Variants in FAM135B observed in about 807,000 individuals in gnomAD.
The protein encoded by FAM135B is protein FAM135B.
A neutral mutation model predicts 127.7 loss-of-function variants in FAM135B; 43 were observed. The observed-to-expected ratio is 0.34, with a 90% CI of 0.26 to 0.43. The LOEUF is 0.43. Ranked by LOEUF, FAM135B falls within the 20% of genes least tolerant of loss-of-function variation. The pLI is 1.00. For missense variants in FAM135B, 1,558 were observed against 1,725.6 expected (o/e 0.90, Z 1.72); for synonymous variants, 670 against 665.1 (o/e 1.01, Z -0.11).
rs144226107 is a variant in FAM135B, at chr8:138,198,773, GT to G, written c.670-1105del. Among the ~76,000 whole-genome samples the G allele has an allele frequency of 8.5e-5, 13 of 152,208 alleles. No individual in the cohort carries two copies. The East Asian group carries it at 2.5e-3, about 30-fold the overall frequency. ...ATGATGAAAAGGAAGGAACAGGACAGTTTTTTTCTTGCCAACTCAACAGAGA... is the reference window on the plus strand; with the variant it reads ...ATGATGAAAAGGAAGGAACAGGACAGTTTTTTCTTGCCAACTCAACAGAGA... On this transcript the variant is annotated intron_variant, in intron 7 of 19. Transcript: ENST00000395297.
chr8:138,478,237 C>T (rs1448799529), intron 1 of FAM135B, among the ~76,000 whole-genome samples: 2 of 152,006 alleles, frequency 1.3e-5, no homozygotes, highest in Admixed American at 1.3e-4. Flanking sequence ...CTCTCTGAGC[C>T]CTAGTCATTC....
rs1816074836 is a variant in FAM135B at position 138,130,086 on chromosome 8, A to AAAACAC, written c.*2506_*2507insGTGTTT. ...TTGGGAAACAACAAATCATAAAAAC[A>AAAACAC]AAAACAAAAATTACGCAGAGAATGA... is the stretch of plus-strand genomic sequence containing the variant. On this transcript the variant is annotated 3_prime_UTR_variant, in exon 20 of 20. Transcript: ENST00000395297. 2 of 152,266 alleles carry AAAACAC rather than the reference A, an allele frequency of 1.3e-5. No homozygotes were observed. Among genetic ancestry groups the AAAACAC allele is most frequent in the Admixed American group, 1.3e-4 (2 of 15,300 alleles). 9.4% of individuals were successfully genotyped at this position (152,266 alleles called of 1,614,324 possible).
chr8:138,243,051 C>T lies in FAM135B; in HGVS notation c.560G>A (p.Arg187Lys), dbSNP rs1385576257. ...QPLISFTRPG[R>K]GSWLGKGGPD... Reference sequence around the variant, plus strand: ...GCCACCTTTACCAAGCCAGGAGCCTCTTCCTGGACGAGTAAAACTAAACAA... The same window carrying T: ...GCCACCTTTACCAAGCCAGGAGCCTTTTCCTGGACGAGTAAAACTAAACAA... The change falls in exon 7 of 20, where the codon AGA becomes AAA. Residue 187 changes from arginine to lysine, a missense_variant. Arg to Lys is a conservative substitution (Grantham distance 26, BLOSUM62 2). Transcript: ENST00000395297. This position sits in a 1 kb window ranked among gnomAD's most constrained non-coding sequence, Gnocchi z 7.5. 1 of 1,610,382 alleles carries T rather than the reference C, an allele frequency of 6.2e-7. No homozygotes were observed. The highest frequency in any genetic ancestry group is 1.1e-5 in the South Asian group (1 of 90,108).
intron 1 of FAM135B, among the ~76,000 whole-genome samples, chr8:138,487,488 G>T (rs1002351362): frequency 6.6e-6 from 1 of 152,016 alleles, no homozygotes; most frequent in Non-Finnish European, 1.5e-5. Flanking sequence ...GTGGGGTGCT[G>T]TACTTACATC....
At chr8:138,395,668 C>T (rs1832809699) in intron 1 of FAM135B, among the ~76,000 whole-genome samples, 2 of 152,144 alleles carry the variant, frequency 1.3e-5, no homozygotes, top group South Asian at 2.1e-4. Context: ...ATATGCTCAG[C>T]CCTGGATATG....
chr8:138,457,011 A>C (rs1228688506), intron 1 of FAM135B, among the ~76,000 whole-genome samples: 1 of 129,700 alleles, frequency 7.7e-6, no homozygotes, highest in Non-Finnish European at 1.7e-5. Flanking sequence ...GATGTGAAAG[A>C]AAAATAAAAG....
intron 2 of FAM135B, among the ~76,000 whole-genome samples, chr8:138,355,847 T>C (rs557244570): frequency 6.6e-6 from 1 of 152,306 alleles, no homozygotes; most frequent in African/African-American, 2.4e-5. Context: ...ATATGCACTG[T>C]GGCACTATGG....
intron 1 of FAM135B, among the ~76,000 whole-genome samples, chr8:138,452,021 T>C (rs1471460878): frequency 4.0e-5 from 6 of 151,316 alleles, no homozygotes; most frequent in Non-Finnish European, 8.8e-5. Flanking sequence ...GCAGACAAAA[T>C]ACACTAATAA....
Position 138,168,075 on chromosome 8 carries a change from G to A in FAM135B, c.1104-26C>T, listed in dbSNP as rs769156668. 28 of 1,593,452 alleles carry A rather than the reference G, an allele frequency of 1.8e-5. 1 individual carries two copies. The highest frequency in any genetic ancestry group is 6.7e-5 in the African/African-American group (5 of 74,086). On this transcript the variant is annotated intron_variant, in intron 11 of 19. Coordinates refer to ENST00000395297, the MANE Select transcript of FAM135B (RefSeq NM_015912.4). The stretch of plus-strand genomic sequence containing the variant: ...CTGGGGAGCACATGGCAGGGTGAGC[G>A]TCCAGGGAAGAGTCAGAGGTTTCCA...
intron 2 of FAM135B, among the ~76,000 whole-genome samples, chr8:138,344,577 C>CTT (rs869039075): frequency 0.041 from 3,472 of 83,776 alleles, 113 homozygotes; most frequent in East Asian, 0.13. Flanking sequence ...TTCTTTCTTT[C>CTT]TTTTTTTTTT....
chr8:138,156,782 C>A (rs530432984), intron 12 of FAM135B, among the ~76,000 whole-genome samples: 7 of 152,130 alleles, frequency 4.6e-5, no homozygotes, highest in Admixed American at 4.6e-4. Flanking sequence ...CAATAACAGG[C>A]TCTGAAATTG....
At chr8:138,195,157 G>C in intron 9 of FAM135B, 101 bp downstream of exon 9, 1 of 1,046,976 alleles carries the variant, frequency 9.6e-7, no homozygotes, top group Non-Finnish European at 1.5e-6. Context: ...AGTTACAAGT[G>C]GTGTCTTTTC....
rs58016814 is a variant in FAM135B, at chr8:138,470,072, G to T, written c.-20+26599C>A. On this transcript the variant is annotated intron_variant, in intron 1 of 19. Coordinates refer to ENST00000395297, the MANE Select transcript of FAM135B (RefSeq NM_015912.4). The stretch of plus-strand genomic sequence containing the variant: ...TGAATGAGGTAATAAAATAATTATA[G>T]AAATAAATGCAAGACTTAAGGAAAA... Among the ~76,000 whole-genome samples, 80 of 152,214 alleles carry T rather than the reference G, an allele frequency of 5.3e-4. No homozygotes were observed. The East Asian group carries it at 0.012, about 24-fold the overall frequency.
rs575759250 is a variant in FAM135B at position 138,440,891 on chromosome 8, T to A, written c.-20+55780A>T. Reference sequence around the variant, plus strand: ...GTAACTGAATATGCAGAAGTGAAACTGTGTGAGTTCCTGAGCCTTCTACTT... The same window carrying A: ...GTAACTGAATATGCAGAAGTGAAACAGTGTGAGTTCCTGAGCCTTCTACTT... On this transcript the variant is annotated intron_variant, in intron 1 of 19. Transcript: ENST00000395297. The A allele has an allele frequency of 2.6e-5, 4 of 152,300 alleles. No individual in the cohort carries two copies. In the East Asian group the frequency reaches 7.7e-4, roughly 29 times the overall value. 9.4% of individuals were successfully genotyped at this position (152,300 alleles called of 1,614,324 possible).
intron 1 of FAM135B, among the ~76,000 whole-genome samples, chr8:138,391,373 C>T (rs1482073359): frequency 1.3e-5 from 2 of 150,666 alleles, no homozygotes; most frequent in Non-Finnish European, 3.0e-5. Context: ...TCAGTCCCAG[C>T]TCCCTCCTTT....
At chr8:138,217,853 CA>C (rs1818693226) in intron 7 of FAM135B, among the ~76,000 whole-genome samples, 1 of 151,908 alleles carries the variant, frequency 6.6e-6, no homozygotes, top group Admixed American at 6.6e-5. Flanking sequence ...GCAGTGGAGA[CA>C]AAGTAGGAAG....
chr8:138,336,164 A>C (rs1317915943), intron 2 of FAM135B, among the ~76,000 whole-genome samples: 3 of 152,166 alleles, frequency 2.0e-5, no homozygotes, highest in African/African-American at 7.2e-5. Flanking sequence ...GGAAAGATCT[A>C]AAATTGACAC....
intron 19 of FAM135B, among the ~76,000 whole-genome samples, chr8:138,135,614 T>G (rs926770408): frequency 1.4e-4 from 21 of 152,130 alleles, no homozygotes; most frequent in African/African-American, 4.6e-4. Context: ...GAAGGGAATT[T>G]GGCAAAAAAC....
chr8:138,457,906 G>A (rs1188729689), intron 1 of FAM135B, among the ~76,000 whole-genome samples: 2 of 151,574 alleles, frequency 1.3e-5, no homozygotes, highest in African/African-American at 4.9e-5. Context: ...GATCCTAGGA[G>A]GCAAAGCTTG....
Sources: gnomAD v4.1 joint callset for allele counts (sites outside exome capture counted in the v4.1 genomes callset) on GRCh38, gnomAD v4.1.1 for gene constraint, Gnocchi (gnomAD v3.1) non-coding constraint, MANE v1.5 for transcripts, NCBI Gene and HGNC (gene_info 2026-07-23, HGNC 2026-07-21) for gene names.